GAS2: variants seen among roughly 807,000 people sequenced by gnomAD.
GAS2 encodes growth arrest specific 2.
GAS2 carries 20 observed loss-of-function variants against 37.5 expected under a neutral mutation model. That is an observed-to-expected ratio of 0.53 (90% CI 0.37 to 0.77). The LOEUF (loss-of-function observed/expected upper bound fraction) is 0.77. Among genes scored for constraint, GAS2 ranks in the 30% least tolerant of loss-of-function variants. GAS2 has a pLI of 0.00. For synonymous variants in GAS2, 144 were observed against 132.2 expected (o/e 1.09, Z -0.61); for missense variants, 336 against 373.4 (o/e 0.90, Z 0.82).
chr11:22,705,730 G>A (rs1851083614), intron 3 of GAS2, among the ~76,000 whole-genome samples: 1 of 152,186 alleles, frequency 6.6e-6, no homozygotes. Context: ...ATGCTCACAT[G>A]CTTCATGCCT....
At chr11:22,658,515 C>T (rs1848880917) in intron 1 of GAS2, among the ~76,000 whole-genome samples, 1 of 152,204 alleles carries the variant, frequency 6.6e-6, no homozygotes, top group Non-Finnish European at 1.5e-5. Context: ...TCCCATCTTT[C>T]CCACTTCATT....
chr11:22,793,909 G>T (rs1225125788), intron 7 of GAS2, among the ~76,000 whole-genome samples: 1 of 152,176 alleles, frequency 6.6e-6, no homozygotes, highest in East Asian at 1.9e-4. Context: ...TTGAAATTCA[G>T]TGGCTAGATT....
At chr11:22,641,232 ATATATATGTGTATATATATATATCTT>A (rs1848621861) in intron 1 of GAS2, among the ~76,000 whole-genome samples, 1 of 144,098 alleles carries the variant, frequency 6.9e-6, no homozygotes, top group African/African-American at 2.5e-5. Context: ...GTGTGTGTAT[ATATATATGTGTATATATATATATCTT>A]TATATATATA....
chr11:22,768,601 T>C (rs554954512), intron 7 of GAS2, among the ~76,000 whole-genome samples: 1 of 152,326 alleles, frequency 6.6e-6, no homozygotes, highest in South Asian at 2.1e-4. Context: ...GAACAAATTA[T>C]TTGAGACATC....
intron 3 of GAS2, chr11:22,688,363 A>G (rs536359206): frequency 6.6e-6 from 1 of 152,228 alleles, no homozygotes; most frequent in South Asian, 2.1e-4. Flanking sequence ...CTACGGCCAT[A>G]CCACCCTGAA....
chr11:22,695,652 T>C (rs914756015), intron 3 of GAS2, among the ~76,000 whole-genome samples: 2 of 152,202 alleles, frequency 1.3e-5, no homozygotes, highest in Admixed American at 6.5e-5. Context: ...TATTATTCTG[T>C]AAATTCCATA....
At chr11:22,644,187 G>T (rs1848661891) in intron 1 of GAS2, among the ~76,000 whole-genome samples, 1 of 152,020 alleles carries the variant, frequency 6.6e-6, no homozygotes, top group African/African-American at 2.4e-5. Context: ...AAGGTATCAG[G>T]AAATTTCTTT....
intron 3 of GAS2, among the ~76,000 whole-genome samples, chr11:22,699,984 A>T (rs772692943): frequency 6.6e-6 from 1 of 152,180 alleles, no homozygotes; most frequent in Non-Finnish European, 1.5e-5. Flanking sequence ...TTACCTAAGA[A>T]GGGAAAAGGA....
At chr11:22,764,376 T>C (rs943394055) in intron 7 of GAS2, among the ~76,000 whole-genome samples, 2 of 151,722 alleles carry the variant, frequency 1.3e-5, no homozygotes, top group African/African-American at 2.4e-5. Flanking sequence ...CTGGCTAACA[T>C]GGTGAAACCC....
At chr11:22,705,011 T>C (rs1156608947) in intron 3 of GAS2, among the ~76,000 whole-genome samples, 1 of 152,170 alleles carries the variant, frequency 6.6e-6, no homozygotes, top group African/African-American at 2.4e-5. Flanking sequence ...GTAAGCTTTT[T>C]ACATGTATTA....
intron 7 of GAS2, among the ~76,000 whole-genome samples, chr11:22,784,189 T>C (rs1178553422): frequency 6.6e-6 from 1 of 152,162 alleles, no homozygotes; most frequent in Non-Finnish European, 1.5e-5. Context: ...ATTGGTAGTT[T>C]GATAGGAATA....
chr11:22,754,048 A>G (rs1039821226), intron 6 of GAS2, among the ~76,000 whole-genome samples: 2 of 152,076 alleles, frequency 1.3e-5, no homozygotes, highest in African/African-American at 4.8e-5. Context: ...GTTGGGGTGA[A>G]TGTATCTATA....
chr11:22,682,080 A>G (rs992491897), intron 2 of GAS2, among the ~76,000 whole-genome samples: 4 of 152,046 alleles, frequency 2.6e-5, no homozygotes, highest in Non-Finnish European at 4.4e-5. Flanking sequence ...AGTATGTAAT[A>G]GTCTGTTTTT....
intron 7 of GAS2, among the ~76,000 whole-genome samples, chr11:22,801,109 A>G (rs562424169): frequency 3.0e-4 from 46 of 152,186 alleles, no homozygotes; most frequent in African/African-American, 1.1e-3. Context: ...AGGAAAAGAC[A>G]TTCTTCTTTT....
chr11:22,791,805 A>G (rs1189066732), intron 7 of GAS2, among the ~76,000 whole-genome samples: 1 of 152,222 alleles, frequency 6.6e-6, no homozygotes, highest in Non-Finnish European at 1.5e-5. Flanking sequence ...AGTGTTGGCA[A>G]CTTAGGAATG....
intron 7 of GAS2, among the ~76,000 whole-genome samples, chr11:22,772,157 A>G (rs1382347859): frequency 6.6e-6 from 1 of 152,138 alleles, no homozygotes; most frequent in East Asian, 1.9e-4. Flanking sequence ...GTATAGACTT[A>G]TGAAGCAAGT....
intron 7 of GAS2, among the ~76,000 whole-genome samples, chr11:22,772,921 T>C (rs1281203603): frequency 6.6e-6 from 1 of 152,176 alleles, no homozygotes; most frequent in East Asian, 1.9e-4. Context: ...AGAAATAATC[T>C]GGAGCTGAGC....
chr11:22,780,594 A>G (rs947219929), intron 7 of GAS2, among the ~76,000 whole-genome samples: 8 of 148,330 alleles, frequency 5.4e-5, no homozygotes, highest in Non-Finnish European at 8.9e-5. Flanking sequence ...AGATTTTTCT[A>G]TTAGTAGCAG....
At chr11:22,650,374 C>G (rs1274805289) in intron 1 of GAS2, among the ~76,000 whole-genome samples, 1 of 150,940 alleles carries the variant, frequency 6.6e-6, no homozygotes, top group Non-Finnish European at 1.5e-5. Flanking sequence ...TGGTGTGGTG[C>G]TGAAAAAAAT....
Sources: gnomAD v4.1 joint callset for allele counts (sites outside exome capture counted in the v4.1 genomes callset) on GRCh38, gnomAD v4.1.1 for gene constraint, MANE v1.5 for transcripts, NCBI Gene and HGNC (gene_info 2026-07-23, HGNC 2026-07-21) for gene names.